The following CDH2 variants were observed in gnomAD, a reference collection of about 807,000 sequenced individuals.
CDH2 encodes the protein cadherin 2.
CDH2 carries 17 observed loss-of-function variants against 92.0 expected under a neutral mutation model. That is an observed-to-expected ratio of 0.18 (90% confidence interval 0.13 to 0.28). The LOEUF (loss-of-function observed/expected upper bound fraction) is 0.28. CDH2 is among the 10% of genes least tolerant of loss of function. CDH2 has a pLI of 1.00. For synonymous variants in CDH2, 419 were observed against 415.9 expected, an observed-to-expected ratio of 1.01 and a Z score of -0.09; for missense variants, 862 against 1,133.1, an observed-to-expected ratio of 0.76 and a Z score of 3.44.
downstream of CDH2, among the ~76,000 whole-genome samples, chr18:27,949,944 GT>G (rs1187710007): frequency 6.6e-6 from 1 of 151,854 alleles, no homozygotes; most frequent in Admixed American, 6.6e-5. Context: ...TTTAAACAGT[GT>G]TTATCTAAAT....
At chr18:28,119,197 C>T (rs940114169) in intron 2 of CDH2, among the ~76,000 whole-genome samples, 1 of 152,108 alleles carries the variant, frequency 6.6e-6, no homozygotes, top group East Asian at 1.9e-4. Context: ...GTGACTCGGA[C>T]CAGGTACAGC....
chr18:28,033,194 T>A (rs2144088654), intron 2 of CDH2, among the ~76,000 whole-genome samples: 1 of 152,124 alleles, frequency 6.6e-6, no homozygotes, highest in South Asian at 2.1e-4. Context: ...TATCAATATG[T>A]AGAGAAAGGG....
chr18:27,951,160 CCT>C lies in CDH2; in HGVS notation c.*991_*992del, dbSNP rs1491419225. Reference sequence around the variant, plus strand: ...GTCAGGCCACCCCTTTCTTTCCTTTCCTTTTTTTTTTTTTTTGGTACAAATTA... The same window carrying C: ...GTCAGGCCACCCCTTTCTTTCCTTTCTTTTTTTTTTTTTTGGTACAAATTA... On this transcript the variant is annotated 3_prime_UTR_variant, in exon 16 of 16. Transcript: ENST00000269141. 4.1e-5 allele frequency: 2 copies of C among 48,304 alleles called. No individual in the cohort carries two copies. Among genetic ancestry groups the C allele is most frequent in the African/African-American group, 1.0e-4 (2 of 19,326 alleles). 3.0% of individuals were successfully genotyped at this position (48,304 alleles called of 1,614,324 possible). A position where few individuals can be genotyped will look rare whatever the true frequency, so the allele number is the denominator to read the frequency against.
At chr18:28,055,318 G>A (rs946655405) in intron 2 of CDH2, among the ~76,000 whole-genome samples, 7 of 152,144 alleles carry the variant, frequency 4.6e-5, no homozygotes, top group Non-Finnish European at 1.0e-4. Context: ...AATTATGGGA[G>A]CTACAATTCA....
intron 2 of CDH2, among the ~76,000 whole-genome samples, chr18:28,111,166 C>T (rs1289996957): frequency 6.6e-6 from 1 of 152,198 alleles, no homozygotes; most frequent in African/African-American, 2.4e-5. Context: ...AAATCAAATG[C>T]TGCCAGGGAA....
At chr18:28,113,423 T>C (rs2015444566) in intron 2 of CDH2, among the ~76,000 whole-genome samples, 1 of 151,038 alleles carries the variant, frequency 6.6e-6, no homozygotes, top group African/African-American at 2.4e-5. Context: ...ACCTACATAG[T>C]TAATCATCTG....
chr18:28,164,692 G>A (rs1263064429), intron 1 of CDH2, among the ~76,000 whole-genome samples: 2 of 151,906 alleles, frequency 1.3e-5, no homozygotes, highest in South Asian at 2.1e-4. Context: ...ACTCCCACAT[G>A]TGCACACACA....
intron 1 of CDH2, among the ~76,000 whole-genome samples, chr18:28,173,865 T>C (rs575600879): frequency 6.6e-6 from 1 of 152,338 alleles, no homozygotes; most frequent in African/African-American, 2.4e-5. Flanking sequence ...GTCACTTGTA[T>C]TATTTAAAAG....
intron 2 of CDH2, among the ~76,000 whole-genome samples, chr18:28,090,240 T>C (rs2015011679): frequency 6.6e-6 from 1 of 152,224 alleles, no homozygotes. Context: ...TACTTTGAAT[T>C]CACTACGCTT....
chr18:27,979,887 C>T (rs1200985492), intron 14 of CDH2, among the ~76,000 whole-genome samples: 1 of 152,174 alleles, frequency 6.6e-6, no homozygotes, highest in East Asian at 1.9e-4. Context: ...TGTAGTTACA[C>T]TCTTAACCCT....
At chr18:28,100,505 C>G (rs1017295044) in intron 2 of CDH2, among the ~76,000 whole-genome samples, 9 of 141,856 alleles carry the variant, frequency 6.3e-5, no homozygotes, top group Admixed American at 3.3e-4. Context: ...TTGTCAGATT[C>G]CATAATCCCA....
intron 6 of CDH2, among the ~76,000 whole-genome samples, chr18:27,939,939 T>A (rs1909098356): frequency 6.6e-6 from 1 of 152,158 alleles, no homozygotes; most frequent in Admixed American, 6.5e-5. Context: ...CAGTGGCATA[T>A]CTATACTGGG....
chr18:28,143,209 T>C (rs2015982263), intron 2 of CDH2, among the ~76,000 whole-genome samples: 1 of 152,060 alleles, frequency 6.6e-6, no homozygotes, highest in South Asian at 2.1e-4. Flanking sequence ...TATCTAAGCA[T>C]GCAGACCACC....
chr18:28,083,537 C>T (rs17494446), intron 2 of CDH2, among the ~76,000 whole-genome samples: 82 of 152,204 alleles, frequency 5.4e-4, no homozygotes, highest in Middle Eastern at 3.4e-3. Flanking sequence ...CCCAGAGGTA[C>T]GTGACTTTTC....
intron 6 of CDH2, among the ~76,000 whole-genome samples, chr18:27,935,408 C>T (rs1908994127): frequency 6.6e-6 from 1 of 152,174 alleles, no homozygotes; most frequent in South Asian, 2.1e-4. Flanking sequence ...AACTCTATCA[C>T]AAGACAGCAT....
At chr18:28,023,896 C>A (rs977466814) in intron 2 of CDH2, among the ~76,000 whole-genome samples, 1 of 152,080 alleles carries the variant, frequency 6.6e-6, no homozygotes, top group Non-Finnish European at 1.5e-5. Flanking sequence ...TCTATTTCTT[C>A]TGCTTCATTT....
intron 2 of CDH2, among the ~76,000 whole-genome samples, chr18:28,071,644 G>C (rs2014620309): frequency 6.6e-6 from 1 of 152,082 alleles, no homozygotes; most frequent in Non-Finnish European, 1.5e-5. Flanking sequence ...CTGACAAGTT[G>C]GCATGCATTT....
At chr18:28,082,242 T>TA (rs67006006) in intron 2 of CDH2, among the ~76,000 whole-genome samples, 24,501 of 147,950 alleles carry the variant, frequency 0.17, 2,268 homozygotes, top group East Asian at 0.31. Flanking sequence ...CTCTTGTCTC[T>TA]AAAAAAAAAA....
At chr18:28,144,166 A>T (rs529293823) in intron 2 of CDH2, among the ~76,000 whole-genome samples, 13 of 145,012 alleles carry the variant, frequency 9.0e-5, no homozygotes, top group Admixed American at 2.2e-4. Context: ...AAGTAAAATT[A>T]AAAAAAAAAA....
Sources: gnomAD v4.1 joint callset for allele counts (sites outside exome capture counted in the v4.1 genomes callset) on GRCh38, gnomAD v4.1.1 for gene constraint, MANE v1.5 for transcripts, NCBI Gene and HGNC (gene_info 2026-07-23, HGNC 2026-07-21) for gene names.